The following RBM19 variants were observed in gnomAD, a reference collection of about 807,000 sequenced individuals.
RBM19 encodes RNA binding motif protein 19.
Under a neutral mutation model 116.8 loss-of-function variants are expected in RBM19, and 94 were observed. The observed-to-expected ratio is 0.80, with a 90% CI of 0.68 to 0.95. RBM19 has a LOEUF of 0.95. Ranked by LOEUF, RBM19 falls within the 40% of genes least tolerant of loss-of-function variation. RBM19 has a pLI of 0.00. For synonymous variants in RBM19, 475 were observed against 494.1 expected (o/e 0.96, Z 0.51); for missense variants, 1,161 against 1,220.7 (o/e 0.95, Z 0.73).
At chr12:113,936,927 G>C (rs2135899211) in intron 16 of RBM19, 80 bp downstream of exon 16, 2 of 1,533,736 alleles carry the variant, frequency 1.3e-6, no homozygotes, top group South Asian at 2.6e-5. Context: ...GGCTTGATAA[G>C]AAACTTCACG....
chr12:113,939,982 A>G lies in RBM19; in HGVS notation c.1916T>C (p.Phe639Ser). 6.2e-7 allele frequency: 1 copy of G among 1,614,062 alleles called. No individual in the cohort carries two copies. Among genetic ancestry groups the G allele is most frequent in the South Asian group, 1.1e-5 (1 of 91,072 alleles). ...FLEPLEARKA[F>S]RHLAYSKFHH... ...TACCTTGGAATAGGCCAGATGCCTG[A>G]AGGCCTTGCGGGCCTCCAGGGGCTC... Residue 639 changes from phenylalanine to serine, a missense_variant, in exon 15 of 24, where the codon TTC (phenylalanine) becomes TCC (serine). By Grantham distance (155) the Phe-to-Ser change is radical. Coordinates refer to ENST00000261741, the MANE Select transcript of RBM19 (RefSeq NM_016196.4).
intron 21 of RBM19, among the ~76,000 whole-genome samples, chr12:113,882,625 G>T (rs1477341247): frequency 3.3e-5 from 5 of 152,266 alleles, no homozygotes; most frequent in African/African-American, 1.2e-4. Context: ...GAGGCACGGG[G>T]GGAGGGAGAA....
Position 113,903,659 on chromosome 12 carries a change from T to C in RBM19, c.2558+11310A>G, listed in dbSNP as rs1456106583. On this transcript the variant is annotated intron_variant, in intron 21 of 23. Coordinates refer to ENST00000261741, the MANE Select transcript of RBM19 (RefSeq NM_016196.4). This position sits in a 1 kb window ranked among gnomAD's most constrained non-coding sequence, Gnocchi z 5.1. Reference sequence around the variant, plus strand: ...CCACTATTTTTTATTTTAGCCATCCTGACCGTTACATGTATATTCATTTGT... The same window carrying C: ...CCACTATTTTTTATTTTAGCCATCCCGACCGTTACATGTATATTCATTTGT... Among the ~76,000 whole-genome samples the C allele has an allele frequency of 6.6e-6, 1 of 152,266 alleles. No homozygotes were observed. The highest frequency in any genetic ancestry group is 1.9e-4 in the East Asian group (1 of 5,204).
chr12:113,845,680 G>A (rs886725729), intron 22 of RBM19, among the ~76,000 whole-genome samples: 1 of 152,152 alleles, frequency 6.6e-6, no homozygotes, highest in African/African-American at 2.4e-5. Context: ...CATTTCATAG[G>A]AACGGAATCA....
At chr12:113,938,223 C>T (rs2135901892) in intron 15 of RBM19, among the ~76,000 whole-genome samples, 1 of 152,214 alleles carries the variant, frequency 6.6e-6, no homozygotes, top group East Asian at 1.9e-4. Context: ...GATGGTGTCA[C>T]ATTCCAAAGG....
At chr12:113,844,853 C>T in intron 22 of RBM19, 65 bp from the exon 23 acceptor site, 3 of 1,497,360 alleles carry the variant, frequency 2.0e-6, no homozygotes, top group East Asian at 2.5e-5. Flanking sequence ...CTCCACTCTG[C>T]CTGCCAGCTG....
intron 21 of RBM19, among the ~76,000 whole-genome samples, chr12:113,885,520 A>G (rs543070515): frequency 6.6e-6 from 1 of 152,354 alleles, no homozygotes; most frequent in South Asian, 2.1e-4. Flanking sequence ...AATAAGTGGT[A>G]GCATTTGGAA....
chr12:113,936,760 A>G (rs1870102049), intron 16 of RBM19: 1 of 417,038 alleles, frequency 2.4e-6, no homozygotes, highest in Non-Finnish European at 4.3e-6. Context: ...AATCCTTGTT[A>G]ATAGATAGTA....
At chr12:113,826,271 T>G (rs1874849937) in intron 23 of RBM19, among the ~76,000 whole-genome samples, 1 of 152,240 alleles carries the variant, frequency 6.6e-6, no homozygotes, top group African/African-American at 2.4e-5. Context: ...ATGTTTCCAC[T>G]TTATTATCTG....
intron 23 of RBM19, among the ~76,000 whole-genome samples, chr12:113,828,706 C>T (rs1439798927): frequency 3.3e-5 from 5 of 152,266 alleles, no homozygotes; most frequent in Admixed American, 6.5e-5. Flanking sequence ...GCTGGGCACC[C>T]GGGGGCTGGC....
intron 21 of RBM19, among the ~76,000 whole-genome samples, chr12:113,908,335 G>A (rs527495586): frequency 1.6e-3 from 236 of 152,210 alleles, no homozygotes; most frequent in Non-Finnish European, 2.6e-3. Flanking sequence ...GGAGGTGTGT[G>A]TGGGGAGCAT....
At chr12:113,964,448 A>G (rs1292385960) in intron 1 of RBM19, among the ~76,000 whole-genome samples, 1 of 152,226 alleles carries the variant, frequency 6.6e-6, no homozygotes, top group Non-Finnish European at 1.5e-5. Context: ...AGATAAGACA[A>G]ACAATGATAA....
intron 23 of RBM19, among the ~76,000 whole-genome samples, chr12:113,834,690 A>C (rs1342427206): frequency 1.3e-5 from 2 of 152,184 alleles, no homozygotes; most frequent in African/African-American, 4.8e-5. Flanking sequence ...AGGAGCCCAG[A>C]TCCAATAAAG....
intron 22 of RBM19, among the ~76,000 whole-genome samples, chr12:113,850,683 G>A (rs1033289608): frequency 6.6e-6 from 1 of 152,194 alleles, no homozygotes; most frequent in Non-Finnish European, 1.5e-5. Flanking sequence ...AAGGGGCTGC[G>A]AAGAACTGCC....
At chr12:113,887,249 C>T (rs1880591512) in intron 21 of RBM19, among the ~76,000 whole-genome samples, 1 of 152,096 alleles carries the variant, frequency 6.6e-6, no homozygotes, top group Non-Finnish European at 1.5e-5. Flanking sequence ...CACTGTCTGG[C>T]CCTTTATGGA....
chr12:113,854,991 A>G (rs1877779519), intron 22 of RBM19, among the ~76,000 whole-genome samples: 1 of 152,214 alleles, frequency 6.6e-6, no homozygotes, highest in African/African-American at 2.4e-5. Context: ...CTCTGCCACA[A>G]CAGCCTTTGA....
intron 22 of RBM19, among the ~76,000 whole-genome samples, chr12:113,855,382 G>C (rs112127695): frequency 1.9e-4 from 29 of 152,304 alleles, no homozygotes; most frequent in African/African-American, 7.0e-4. Flanking sequence ...AATGAGCTTA[G>C]CTGCCCCCTC....
chr12:113,955,644 T>C (rs1293748427), intron 6 of RBM19, among the ~76,000 whole-genome samples: 2 of 152,206 alleles, frequency 1.3e-5, no homozygotes, highest in Non-Finnish European at 2.9e-5. Flanking sequence ...GGATCCTTTT[T>C]CCCACAACTC....
chr12:113,953,541 A>C (rs1232648582), intron 7 of RBM19, among the ~76,000 whole-genome samples: 3 of 152,228 alleles, frequency 2.0e-5, no homozygotes, highest in African/African-American at 7.2e-5. Flanking sequence ...AGAGAGTATG[A>C]TCCATCTTAC....
Sources: allele counts gnomAD v4.1 joint callset (sites outside exome capture counted in the v4.1 genomes callset), GRCh38; gene constraint gnomAD v4.1.1; non-coding constraint Gnocchi (gnomAD v3.1); transcripts MANE v1.5; gene names NCBI Gene and HGNC (gene_info 2026-07-23, HGNC 2026-07-21).